Variants in RBFOX1 observed in about 807,000 individuals in gnomAD.
RBFOX1 encodes RNA binding fox-1 homolog 1.
Under a neutral mutation model 57.7 loss-of-function variants are expected in RBFOX1, and 8 were observed. The ratio of observed to expected loss-of-function variants is 0.14; its 90% confidence interval spans 0.08 to 0.25. The LOEUF (loss-of-function observed/expected upper bound fraction) is 0.25. RBFOX1 is among the 10% of genes least tolerant of loss of function. The probability of loss-of-function intolerance (pLI) is 1.00; values close to 1 mark genes in which losing one functional copy is unlikely to be tolerated. For missense variants in RBFOX1, 611 were observed against 548.5 expected (o/e 1.11, Z -1.14); for synonymous variants, 326 against 222.4 (o/e 1.47, Z -4.15).
intron 2 of RBFOX1, among the ~76,000 whole-genome samples, chr16:6,415,691 A>G (rs935030932): frequency 2.0e-5 from 3 of 152,150 alleles, no homozygotes; most frequent in African/African-American, 7.2e-5. Context: ...ACAAAGCAAT[A>G]CTGTGCCTCA....
chr16:5,761,799 C>A (rs2053604176), intron 3 of RBFOX1, among the ~76,000 whole-genome samples: 1 of 152,186 alleles, frequency 6.6e-6, no homozygotes, highest in African/African-American at 2.4e-5. Flanking sequence ...ATGGCACATT[C>A]TCTGGGAAGA....
intron 4 of RBFOX1, among the ~76,000 whole-genome samples, chr16:6,010,081 C>G (rs1457263331): frequency 6.6e-6 from 1 of 152,084 alleles, no homozygotes. Flanking sequence ...AGTTTCCCTT[C>G]TTTCTTCCTG....
At chr16:7,008,572 A>G (rs1272324492) in intron 3 of RBFOX1, among the ~76,000 whole-genome samples, 1 of 151,738 alleles carries the variant, frequency 6.6e-6, no homozygotes, top group Admixed American at 6.6e-5. Context: ...AACAAGAGTA[A>G]ATAATTCAAG....
intron 6 of RBFOX1, among the ~76,000 whole-genome samples, chr16:7,586,985 A>G (rs2094161560): frequency 6.6e-6 from 1 of 152,264 alleles, no homozygotes; most frequent in African/African-American, 2.4e-5. Context: ...GAAAGCAGAC[A>G]TGCACACAGG....
chr16:5,402,384 G>A (rs1284287727), intron 1 of RBFOX1, among the ~76,000 whole-genome samples: 3 of 152,178 alleles, frequency 2.0e-5, no homozygotes, highest in African/African-American at 7.2e-5. Flanking sequence ...GTGGATGGGT[G>A]GAGAAGAGTG....
Position 7,310,175 on chromosome 16 carries a change from C to T in RBFOX1, c.28-207972C>T, listed in dbSNP as rs540097631. On this transcript the variant is annotated intron_variant, in intron 4 of 15. Transcript: ENST00000550418. ...AATACAGGTGAGCTAGCCAAATGAG[C>T]AATGGACCCGCAGGCCGCCTCTGCT... Among the ~76,000 whole-genome samples the T allele has an allele frequency of 8.5e-5, 13 of 152,308 alleles. No homozygotes were observed. The South Asian group carries it at 2.5e-3, about 29-fold the overall frequency.
intron 3 of RBFOX1, among the ~76,000 whole-genome samples, chr16:5,762,700 A>G (rs1302792605): frequency 1.3e-5 from 2 of 152,222 alleles, no homozygotes; most frequent in African/African-American, 4.8e-5. Flanking sequence ...GGGGAAAAAA[A>G]TCAAATAATG....
intron 3 of RBFOX1, among the ~76,000 whole-genome samples, chr16:5,813,866 A>T (rs973950682): frequency 1.3e-5 from 2 of 152,214 alleles, no homozygotes; most frequent in Non-Finnish European, 2.9e-5. Context: ...ATAGAATTAA[A>T]CATCTTCACT....
intron 1 of RBFOX1, among the ~76,000 whole-genome samples, chr16:6,110,211 T>TTC (rs1555510397): frequency 6.8e-6 from 1 of 147,998 alleles, no homozygotes; most frequent in Non-Finnish European, 1.5e-5. Context: ...TTTTTTTTTT[T>TTC]AGTTCATTAT....
At chr16:6,544,394 C>G (rs971841526) in intron 2 of RBFOX1, among the ~76,000 whole-genome samples, 2 of 152,190 alleles carry the variant, frequency 1.3e-5, no homozygotes, top group South Asian at 2.1e-4. Context: ...ACCTGGCAAA[C>G]ATTTCCACCT....
intron 10 of RBFOX1, among the ~76,000 whole-genome samples, chr16:7,622,730 C>T (rs773710933): frequency 1.3e-5 from 2 of 151,986 alleles, no homozygotes; most frequent in East Asian, 3.9e-4. Flanking sequence ...ATATGGAAAT[C>T]CCTTGGTACA....
intron 3 of RBFOX1, among the ~76,000 whole-genome samples, chr16:5,705,317 A>G (rs1006742713): frequency 1.3e-5 from 2 of 152,140 alleles, no homozygotes; most frequent in African/African-American, 4.8e-5. Flanking sequence ...GCTAGGGTGC[A>G]GTGGCATGAT....
intron 5 of RBFOX1, among the ~76,000 whole-genome samples, chr16:7,551,468 C>T (rs1211865714): frequency 2.6e-5 from 4 of 152,160 alleles, no homozygotes; most frequent in Non-Finnish European, 5.9e-5. Flanking sequence ...GGGTGAAAGC[C>T]ATGAGACACT....
At chr16:7,440,545 G>C (rs1037442592) in intron 4 of RBFOX1, among the ~76,000 whole-genome samples, 1 of 151,888 alleles carries the variant, frequency 6.6e-6, no homozygotes, top group Non-Finnish European at 1.5e-5. Context: ...TGAATCCTCA[G>C]GCGTATAGGC....
chr16:6,472,989 A>T (rs142856804), intron 2 of RBFOX1, among the ~76,000 whole-genome samples: 1 of 152,096 alleles, frequency 6.6e-6, no homozygotes, highest in Admixed American at 6.6e-5. Flanking sequence ...TCATATAGGG[A>T]TATCTCCAGG....
chr16:7,516,043 C>G (rs975148945), intron 4 of RBFOX1, among the ~76,000 whole-genome samples: 2 of 152,162 alleles, frequency 1.3e-5, no homozygotes, highest in African/African-American at 4.8e-5. Context: ...CAGGGTTTCA[C>G]CATGTTGCCC....
chr16:5,435,899 CGGT>C (rs2067903259), intron 1 of RBFOX1, among the ~76,000 whole-genome samples: 1 of 152,236 alleles, frequency 6.6e-6, no homozygotes, highest in Non-Finnish European at 1.5e-5. Flanking sequence ...AACAGAGCTG[CGGT>C]GAACAACCCG....
Position 6,842,035 on chromosome 16 carries a change from C to A in RBFOX1, c.-16+187385C>A, listed in dbSNP as rs574518119. Among the ~76,000 whole-genome samples the A allele has an allele frequency of 2.0e-5, 3 of 151,448 alleles. No homozygotes were observed. The East Asian group carries it at 5.9e-4, about 30-fold the overall frequency. On this transcript the variant is annotated intron_variant, in intron 3 of 15. Transcript: ENST00000550418. The stretch of plus-strand genomic sequence containing the variant: ...GCGGGCGCCTGTAGTCCCAGCTACA[C>A]GGGAGGCTGAGGGAGGAGAATGGCG...
At chr16:5,859,611 A>G (rs1245882655) in intron 3 of RBFOX1, among the ~76,000 whole-genome samples, 1 of 152,222 alleles carries the variant, frequency 6.6e-6, no homozygotes, top group African/African-American at 2.4e-5. Flanking sequence ...AAAGAACAGC[A>G]TAGGTGCCCA....
Sources: gnomAD v4.1 joint callset for allele counts (sites outside exome capture counted in the v4.1 genomes callset) on GRCh38, gnomAD v4.1.1 for gene constraint, MANE v1.5 for transcripts, NCBI Gene and HGNC (gene_info 2026-07-23, HGNC 2026-07-21) for gene names.